Variants in PLEKHB1 observed in about 807,000 individuals in gnomAD.
PLEKHB1 encodes the protein pleckstrin homology domain-containing family B member 1.
In PLEKHB1, 29 loss-of-function variants were observed where a neutral mutation model predicts 36.2. The observed-to-expected ratio is 0.80, with a 90% CI of 0.60 to 1.09. PLEKHB1 has a LOEUF of 1.09. Among genes scored for constraint, PLEKHB1 ranks in the 50% least tolerant of loss-of-function variants. PLEKHB1 has a pLI of 0.00. For missense variants in PLEKHB1, 330 were observed against 348.2 expected (o/e 0.95, Z 0.42); for synonymous variants, 138 against 140.0 (o/e 0.99, Z 0.10).
chr11:73,656,916 G>T (rs1029752639), intron 6 of PLEKHB1, among the ~76,000 whole-genome samples: 1 of 152,186 alleles, frequency 6.6e-6, no homozygotes. Flanking sequence ...ACTTTGGGAG[G>T]CTGAGGCGGG....
At chr11:73,647,028 T>C (rs774800858) in intron 1 of PLEKHB1, among the ~76,000 whole-genome samples, 4 of 152,112 alleles carry the variant, frequency 2.6e-5, no homozygotes, top group Non-Finnish European at 4.4e-5. Context: ...TGCAGCTCTA[T>C]CGCCTGACAC....
chr11:73,660,093 C>T (rs1036910873), intron 6 of PLEKHB1, among the ~76,000 whole-genome samples: 21 of 152,186 alleles, frequency 1.4e-4, no homozygotes, highest in African/African-American at 5.1e-4. Context: ...ATAACAAATA[C>T]CATTGTGTTA....
Position 73,659,936 on chromosome 11 carries a change from T to C in PLEKHB1, c.496-817T>C, listed in dbSNP as rs1945069987. 2.6e-5 allele frequency among the ~76,000 whole-genome samples: 4 copies of C among 152,314 alleles called. No individual in the cohort carries two copies. The South Asian group carries it at 8.3e-4, about 32-fold the overall frequency. ...TACAGCCTAGTGCAGCCTAACAATT[T>C]TGGGTCAATGATGGACCACATATAC... is the stretch of plus-strand genomic sequence containing the variant. On this transcript the variant is annotated intron_variant, in intron 6 of 7. Transcript: ENST00000354190.
chr11:73,655,652 G>A (rs2008734), intron 5 of PLEKHB1, 151 bp from the exon 6 acceptor site: 327,771 of 632,112 alleles, frequency 0.52, 87,847 homozygotes, highest in Non-Finnish European at 0.57. Flanking sequence ...GTTACCATGA[G>A]CTGAGGAGAA....
intron 2 of PLEKHB1, 26 bp downstream of exon 2, chr11:73,649,113 T>C (rs754747578): frequency 2.4e-5 from 37 of 1,573,868 alleles, no homozygotes; most frequent in South Asian, 7.0e-5. Context: ...CCCCTGGTCC[T>C]GGGGCAGGGT....
intron 2 of PLEKHB1, 100 bp from the exon 3 acceptor site, chr11:73,650,453 C>G (rs1944863397): frequency 3.7e-6 from 5 of 1,334,676 alleles, no homozygotes; most frequent in African/African-American, 1.5e-5. Flanking sequence ...GGTTGTAACA[C>G]TAGGGACTGA....
Position 73,650,675 on chromosome 11 carries a change from C to A in PLEKHB1, c.217C>A (p.Arg73Ser), listed in dbSNP as rs761508950. Residue 73 changes from arginine to serine, a missense_variant, in exon 3 of 8, where the codon CGT becomes AGT. By Grantham distance (110) the Arg-to-Ser change is moderately radical (BLOSUM62 -1). Transcript: ENST00000354190. ...CCGTGTGCTCATCCACTTCAATGTC[C>A]GTGACATAAAGATCGGCCCAGAGTG... is the stretch of plus-strand genomic sequence containing the variant. ...EDRVLIHFNVRDIKIGPECHD... is the reference protein window; with the variant it reads ...EDRVLIHFNVSDIKIGPECHD... The A allele has an allele frequency of 3.7e-6, 6 of 1,609,440 alleles. No individual in the cohort carries two copies. The East Asian group carries it at 1.1e-4, about 30-fold the overall frequency.
intron 1 of PLEKHB1, chr11:73,647,673 G>T (rs1183515843): frequency 2.0e-6 from 2 of 985,522 alleles, no homozygotes; most frequent in East Asian, 2.3e-4. Context: ...GGCGCAGCGG[G>T]TTGGGTGGCA....
At chr11:73,659,903 A>G (rs1945068836) in intron 6 of PLEKHB1, among the ~76,000 whole-genome samples, 1 of 152,192 alleles carries the variant, frequency 6.6e-6, no homozygotes, top group South Asian at 2.1e-4. Context: ...TAGGTGCTCA[A>G]TAATCGTTAC....
At chr11:73,647,778 A>C (rs982539029) in intron 1 of PLEKHB1, 1 of 983,814 alleles carries the variant, frequency 1.0e-6, no homozygotes, top group African/African-American at 1.7e-5. Flanking sequence ...AGGAGTCTGC[A>C]CCTGACCCTC....
rs764778109 is a variant in PLEKHB1 at position 73,661,492 on chromosome 11, C to T, written c.622C>T (p.Arg208Trp). Reference protein sequence around the residue: ...AGPGVTHVIVREDPCYSAGAP... With the variant: ...AGPGVTHVIVWEDPCYSAGAP... ...CCCTGGCGTGACGCACGTGATAGTGCGGGAGGATCCCTGCTACAGCGCCGG... is the reference window on the plus strand; with the variant it reads ...CCCTGGCGTGACGCACGTGATAGTGTGGGAGGATCCCTGCTACAGCGCCGG... Residue 208 changes from arginine to tryptophan, a missense_variant, in exon 8 of 8, where the codon CGG (arginine) becomes TGG (tryptophan). Physicochemically the swap from Arg to Trp is moderately radical, Grantham distance 101. Transcript: ENST00000354190. The surrounding 1 kb of genome is among the most constrained non-coding windows in gnomAD (Gnocchi z 4.6). 28 of 1,613,656 alleles carry T rather than the reference C, an allele frequency of 1.7e-5. No individual in the cohort carries two copies. The highest frequency in any genetic ancestry group is 2.2e-5 in the Non-Finnish European group (26 of 1,179,778).
intron 6 of PLEKHB1, among the ~76,000 whole-genome samples, chr11:73,657,321 G>A (rs972025165): frequency 5.9e-5 from 9 of 152,160 alleles, no homozygotes; most frequent in African/African-American, 1.9e-4. Context: ...CCAGCCCATC[G>A]TTCTGAGGTA....
chr11:73,656,134 C>G (rs923686674), intron 6 of PLEKHB1, among the ~76,000 whole-genome samples: 3 of 152,212 alleles, frequency 2.0e-5, no homozygotes, highest in African/African-American at 4.8e-5. Context: ...ACCTCAGTTT[C>G]CTCATTCACC....
In PLEKHB1 at chr11:73,662,486, C is replaced by T. The variant is rs915257022; in HGVS notation, c.*884C>T. 3 of 152,540 alleles carry T rather than the reference C, an allele frequency of 2.0e-5. No individual in the cohort carries two copies. The highest frequency in any genetic ancestry group is 7.2e-5 in the African/African-American group (3 of 41,410). The allele number at this position is 152,540 out of a possible 1,614,324, so 9.4% of individuals were successfully genotyped here. A position where few individuals can be genotyped will look rare whatever the true frequency, so the allele number is the denominator to read the frequency against. Reference sequence around the variant, plus strand: ...CTCCGTCCAGAAATGCCTCTCACACCAGGAGCTCGGCCCTCTCTTTGTAGC... The same window carrying T: ...CTCCGTCCAGAAATGCCTCTCACACTAGGAGCTCGGCCCTCTCTTTGTAGC... On this transcript the variant is annotated 3_prime_UTR_variant, in exon 8 of 8. Transcript: ENST00000354190.
intron 4 of PLEKHB1, 111 bp downstream of exon 4, chr11:73,652,001 A>G (rs1944907810): frequency 2.1e-6 from 2 of 938,180 alleles, no homozygotes; most frequent in Non-Finnish European, 3.2e-6. Flanking sequence ...CACTAAGGCC[A>G]GTCAGCAAGG....
At chr11:73,658,921 T>G (rs1462840830) in intron 6 of PLEKHB1, among the ~76,000 whole-genome samples, 1 of 152,188 alleles carries the variant, frequency 6.6e-6, no homozygotes, top group Admixed American at 6.5e-5. Flanking sequence ...CTAGCCTTTC[T>G]TGATTTGAGT....
At chr11:73,651,339 G>A (rs1944887403) in intron 3 of PLEKHB1, 1 of 422,506 alleles carries the variant, frequency 2.4e-6, no homozygotes, top group Admixed American at 2.9e-5. Context: ...GGGGGACAGA[G>A]CTAGACCCTG....
chr11:73,649,499 G>A (rs552109800), intron 2 of PLEKHB1, among the ~76,000 whole-genome samples: 1 of 152,274 alleles, frequency 6.6e-6, no homozygotes, highest in East Asian at 1.9e-4. Flanking sequence ...GACAGGGGCT[G>A]GGTTTGACCC....
At chr11:73,657,155 T>G (rs1450685444) in intron 6 of PLEKHB1, among the ~76,000 whole-genome samples, 1 of 151,798 alleles carries the variant, frequency 6.6e-6, no homozygotes, top group Non-Finnish European at 1.5e-5. Context: ...AAAAAAAAAT[T>G]GTCTCCTGAT....
Sources: gnomAD v4.1 joint callset for allele counts (sites outside exome capture counted in the v4.1 genomes callset) on GRCh38, gnomAD v4.1.1 for gene constraint, Gnocchi (gnomAD v3.1) non-coding constraint, MANE v1.5 for transcripts, NCBI Gene and HGNC (gene_info 2026-07-23, HGNC 2026-07-21) for gene names.